Variants in EYA1 observed in about 807,000 individuals in gnomAD.
EYA1 encodes the protein protein phosphatase EYA1.
Under a neutral mutation model 82.0 loss-of-function variants are expected in EYA1, and 16 were observed. The observed-to-expected ratio is 0.20, with a 90% CI of 0.13 to 0.30. EYA1 has a LOEUF of 0.30. Among genes scored for constraint, EYA1 ranks in the 10% least tolerant of loss-of-function variants. The probability of loss-of-function intolerance (pLI) is 1.00; values close to 1 mark genes in which losing one functional copy is unlikely to be tolerated. For missense variants in EYA1, 633 were observed against 730.7 expected (o/e 0.87, Z 1.54); for synonymous variants, 261 against 264.4 (o/e 0.99, Z 0.12).
At chr8:71,396,526 T>A (rs1259046085) in intron 2 of EYA1, among the ~76,000 whole-genome samples, 1 of 152,256 alleles carries the variant, frequency 6.6e-6, no homozygotes. Flanking sequence ...AACATCTTTA[T>A]TTCTGCCTTC....
rs1017801739 is a variant in EYA1 at position 71,408,806 on chromosome 8, CA to C, written c.34-52296del. Among the ~76,000 whole-genome samples the C allele has an allele frequency of 4.4e-5, 6 of 135,502 alleles. 1 individual carries two copies. Among genetic ancestry groups the C allele is most frequent in the Non-Finnish European group, 9.4e-5 (6 of 63,888 alleles). The allele number at this position is 135,502 out of a possible 152,430, so 88.9% of individuals were successfully genotyped here. ...TTAACACCCCATTGTCAACATTAGA[CA>C]GATCAACGAGCCAGAAAGTCAACAA... On this transcript the variant is annotated intron_variant, in intron 2 of 18. Coordinates refer to the EYA1 transcript ENST00000643681.
In EYA1 at chr8:71,274,928, G is replaced by GAGCGAGTGAACGAGAGCA. The variant is rs1554531361; in HGVS notation, c.827-3049_827-3032dup. 3.2e-3 allele frequency among the ~76,000 whole-genome samples: 484 copies of GAGCGAGTGAACGAGAGCA among 151,888 alleles called. 6 individuals are homozygous for GAGCGAGTGAACGAGAGCA. The highest frequency in any genetic ancestry group is 0.011 in the African/African-American group (443 of 41,418). The stretch of plus-strand genomic sequence containing the variant: ...TGAGCGAGCGAGAGAGAGAGAATGA[G>GAGCGAGTGAACGAGAGCA]AGCGAGTGAACGAGAGCAAGCGAGT... On this transcript the variant is annotated intron_variant, in intron 9 of 17. Transcript: ENST00000340726.
intron 3 of EYA1, among the ~76,000 whole-genome samples, chr8:71,347,288 G>A (rs995039530): frequency 8.6e-5 from 13 of 151,902 alleles, no homozygotes; most frequent in Admixed American, 1.3e-4. Flanking sequence ...AAAATGAGGT[G>A]CCTAAAAGTT....
intron 9 of EYA1, among the ~76,000 whole-genome samples, chr8:71,280,344 A>G (rs2128967432): frequency 6.6e-6 from 1 of 152,336 alleles, no homozygotes; most frequent in East Asian, 1.9e-4. Context: ...GTGAATGAAA[A>G]AAGGATATGT....
intron 4 of EYA1, among the ~76,000 whole-genome samples, chr8:71,330,249 T>C (rs1823673765): frequency 6.6e-6 from 1 of 152,156 alleles, no homozygotes; most frequent in African/African-American, 2.4e-5. Context: ...CTCATCCACT[T>C]CAAATTCATC....
chr8:71,530,012 G>A (rs1483864421), intron 2 of EYA1: 2 of 152,124 alleles, frequency 1.3e-5, no homozygotes, highest in African/African-American at 4.8e-5. Context: ...TTTGTTATGG[G>A]TTGAATTGTA....
chr8:71,317,232 G>T (rs184104956), intron 7 of EYA1, among the ~76,000 whole-genome samples: 1 of 152,136 alleles, frequency 6.6e-6, no homozygotes, highest in African/African-American at 2.4e-5. Flanking sequence ...AACCTCCTAC[G>T]TGGCTGACTT....
chr8:71,541,846 GTCT>G (rs1478484472), intron 1 of EYA1, among the ~76,000 whole-genome samples: 3 of 152,166 alleles, frequency 2.0e-5, no homozygotes, highest in East Asian at 1.9e-4. Flanking sequence ...GGCATTGCTA[GTCT>G]TCTTCAAACG....
intron 2 of EYA1, among the ~76,000 whole-genome samples, chr8:71,373,190 T>G (rs979175856): frequency 6.6e-6 from 1 of 151,992 alleles, no homozygotes; most frequent in African/African-American, 2.4e-5. Flanking sequence ...AAGGAAAAAG[T>G]AAAAAGTATT....
At chr8:71,227,557 C>G (rs7015937) in intron 12 of EYA1, among the ~76,000 whole-genome samples, 1 of 152,146 alleles carries the variant, frequency 6.6e-6, no homozygotes, top group Non-Finnish European at 1.5e-5. Flanking sequence ...GAAAGTGAAT[C>G]GCATACCAAT....
At chr8:71,424,805 C>G (rs1237385529) in intron 2 of EYA1, among the ~76,000 whole-genome samples, 2 of 152,086 alleles carry the variant, frequency 1.3e-5, no homozygotes. Flanking sequence ...CTATAGTCTA[C>G]TGGGTTACAT....
chr8:71,322,406 T>C, intron 4 of EYA1, 138 bp from the exon 5 acceptor site: 1 of 733,406 alleles, frequency 1.4e-6, no homozygotes, highest in Admixed American at 2.0e-5. Context: ...CCTGCGGAGA[T>C]GGAAATTTCA....
intron 3 of EYA1, among the ~76,000 whole-genome samples, chr8:71,339,910 C>A (rs1824926324): frequency 6.6e-6 from 1 of 151,710 alleles, no homozygotes; most frequent in South Asian, 2.1e-4. Context: ...TCTAAAATTT[C>A]ATCTCCTTCT....
intron 2 of EYA1, among the ~76,000 whole-genome samples, chr8:71,484,544 T>G (rs1810415637): frequency 6.6e-6 from 1 of 152,208 alleles, no homozygotes; most frequent in Admixed American, 6.5e-5. Flanking sequence ...GGTTGAAACC[T>G]CTTGAGGGTC....
intron 11 of EYA1, among the ~76,000 whole-genome samples, chr8:71,264,971 A>G (rs1815607142): frequency 6.6e-6 from 1 of 152,216 alleles, no homozygotes; most frequent in South Asian, 2.1e-4. Flanking sequence ...CAGTAAGAAT[A>G]AATAATTTGC....
chr8:71,472,502 A>T (rs1809283241), intron 2 of EYA1, among the ~76,000 whole-genome samples: 1 of 152,100 alleles, frequency 6.6e-6, no homozygotes, highest in Non-Finnish European at 1.5e-5. Context: ...ATTATTACAG[A>T]TAAAAACTAT....
At position 71,240,320 on chromosome 8, in the gene EYA1, G is replaced by A. The variant is rs140536739; in HGVS notation, c.1140+4283C>T. Among the ~76,000 whole-genome samples, 694 of 151,594 alleles carry A rather than the reference G, an allele frequency of 4.6e-3. 3 individuals carry two copies. The highest frequency in any genetic ancestry group is 8.4e-3 in the Admixed American group (128 of 15,232). The stretch of plus-strand genomic sequence containing the variant: ...TGAAAACAAGGGGCAACAAGTCTAG[G>A]TGTTCAAATATCAGACCCGGGCTAG... On this transcript the variant is annotated intron_variant, in intron 12 of 17. Coordinates refer to ENST00000340726, the MANE Select transcript of EYA1 (RefSeq NM_000503.6).
At chr8:71,413,141 A>C (rs1830694193) in intron 2 of EYA1, among the ~76,000 whole-genome samples, 1 of 152,242 alleles carries the variant, frequency 6.6e-6, no homozygotes, top group Non-Finnish European at 1.5e-5. Context: ...GAAGTTCAGA[A>C]GCAGAATAAA....
chr8:71,486,636 G>A (rs1810592272), intron 2 of EYA1, among the ~76,000 whole-genome samples: 1 of 152,204 alleles, frequency 6.6e-6, no homozygotes, highest in African/African-American at 2.4e-5. Flanking sequence ...ACCCTCCTCT[G>A]TGTAAGCAGC....
Sources: gnomAD v4.1 joint callset for allele counts (sites outside exome capture counted in the v4.1 genomes callset) on GRCh38, gnomAD v4.1.1 for gene constraint, MANE v1.5 for transcripts, NCBI Gene and HGNC (gene_info 2026-07-23, HGNC 2026-07-21) for gene names.